The following ANKRD55 variants were observed in gnomAD, a reference collection of about 807,000 sequenced individuals.
The protein encoded by ANKRD55 is ankyrin repeat domain-containing protein 55.
A neutral mutation model predicts 60.6 loss-of-function variants in ANKRD55; 41 were observed. The observed-to-expected ratio is 0.68, with a 90% CI of 0.53 to 0.88. The LOEUF is 0.88. ANKRD55 is among the 40% of genes least tolerant of loss of function. The pLI, the probability that ANKRD55 is intolerant of heterozygous loss-of-function variation, is 0.00. For missense variants in ANKRD55, 732 were observed against 767.6 expected (o/e 0.95, Z 0.55); for synonymous variants, 264 against 290.3 (o/e 0.91, Z 0.92).
chr5:56,173,759 G>A (rs1758675712), intron 4 of ANKRD55, among the ~76,000 whole-genome samples: 1 of 150,680 alleles, frequency 6.6e-6, no homozygotes, highest in Non-Finnish European at 1.5e-5. Context: ...GGTCAGGCTG[G>A]TCTCAAACTC....
chr5:56,143,541 G>A (rs142249728), intron 7 of ANKRD55, among the ~76,000 whole-genome samples: 44 of 152,314 alleles, frequency 2.9e-4, no homozygotes, highest in African/African-American at 1.0e-3. Flanking sequence ...ACAGTAAGCC[G>A]GTAGCAAACA....
chr5:56,150,051 G>A (rs1758002546), intron 6 of ANKRD55, among the ~76,000 whole-genome samples: 1 of 152,092 alleles, frequency 6.6e-6, no homozygotes, highest in Non-Finnish European at 1.5e-5. Flanking sequence ...ATATTGGCCA[G>A]GCTGGTCTTG....
In ANKRD55 at chr5:56,111,794, T is replaced by A. The variant is rs373575646; in HGVS notation, c.966-12A>T. On this transcript the variant is annotated splice_polypyrimidine_tract_variant and intron_variant, in intron 9 of 11. Coordinates refer to ENST00000341048, the MANE Select transcript of ANKRD55 (RefSeq NM_024669.3). ...GAGTAGGCTCTGTTCTATGCGAATA[T>A]AAAAGAGCAGGGATGATATGTGAGT... The A allele has an allele frequency of 6.7e-7, 1 of 1,484,052 alleles. No homozygotes were observed. Among genetic ancestry groups the A allele is most frequent in the Non-Finnish European group, 8.9e-7 (1 of 1,121,222 alleles). The allele number at this position is 1,484,052 out of a possible 1,614,324, so 91.9% of individuals were successfully genotyped here. A position where few individuals can be genotyped will look rare whatever the true frequency, so the allele number is the denominator to read the frequency against.
At chr5:56,107,872 CT>C (rs56958360) in intron 10 of ANKRD55, among the ~76,000 whole-genome samples, 32,434 of 145,328 alleles carry the variant, frequency 0.22, 3,751 homozygotes, top group Middle Eastern at 0.37. Flanking sequence ...TAGCAATAAA[CT>C]TTTTTTTTTT....
chr5:56,152,637 C>A (rs370853189), intron 6 of ANKRD55, among the ~76,000 whole-genome samples: 10 of 152,140 alleles, frequency 6.6e-5, no homozygotes, highest in African/African-American at 2.4e-4. Context: ...CTTCTGAGGT[C>A]CTGTTTTGAA....
In ANKRD55 at chr5:56,197,757, G is replaced by C. The variant is rs546624463; in HGVS notation, c.59-14123C>G. ...AAATTTCAGAGGAGTTTTTCTTACT[G>C]TAATGAGATACGAAAATAAACCACT... On this transcript the variant is annotated intron_variant, in intron 2 of 11. Coordinates refer to ENST00000341048, the MANE Select transcript of ANKRD55 (RefSeq NM_024669.3). Among the ~76,000 whole-genome samples the C allele has an allele frequency of 7.3e-4, 111 of 152,212 alleles. 1 individual carries two copies. The highest frequency in any genetic ancestry group is 1.4e-3 in the Non-Finnish European group (94 of 67,976).
chr5:56,166,098 C>CTTTCTTTCTTTCTTTCTTTCTT, intron 5 of ANKRD55, among the ~76,000 whole-genome samples: 1 of 28,398 alleles, frequency 3.5e-5, no homozygotes, highest in African/African-American at 9.8e-5. Flanking sequence ...TTCTTTCTTT[C>CTTTCTTTCTTTCTTTCTTTCTT]TTTCTTTCTT....
At position 56,134,344 on chromosome 5, in the gene ANKRD55, G is replaced by A. The variant is rs559865269; in HGVS notation, c.613-7238C>T. ...TGTTATCCCAGCACTTTGGGAGGCC[G>A]AGACAGGTGGATCACCTGAGGTCAG... On this transcript the variant is annotated intron_variant, in intron 7 of 11. Coordinates refer to ENST00000341048, the MANE Select transcript of ANKRD55 (RefSeq NM_024669.3). 1.8e-3 allele frequency among the ~76,000 whole-genome samples: 210 copies of A among 114,798 alleles called. 75 individuals are homozygous for A. The highest frequency in any genetic ancestry group is 3.9e-3 in the Non-Finnish European group (187 of 48,468). The allele number at this position is 114,798 out of a possible 152,430, so 75.3% of individuals were successfully genotyped here. A position where few individuals can be genotyped will look rare whatever the true frequency, so the allele number is the denominator to read the frequency against.
intron 7 of ANKRD55, among the ~76,000 whole-genome samples, chr5:56,136,661 C>T (rs1757606926): frequency 6.6e-6 from 1 of 152,164 alleles, no homozygotes; most frequent in Admixed American, 6.5e-5. Flanking sequence ...CGGCTCGTAC[C>T]TGTAATCCCA....
intron 8 of ANKRD55, among the ~76,000 whole-genome samples, chr5:56,123,925 A>C (rs1757155438): frequency 6.6e-6 from 1 of 152,172 alleles, no homozygotes; most frequent in South Asian, 2.1e-4. Context: ...CTGTCACAGC[A>C]GGGGGCTAAA....
chr5:56,160,469 GACCTC>G (rs1561275354), intron 5 of ANKRD55, among the ~76,000 whole-genome samples: 2 of 152,156 alleles, frequency 1.3e-5, no homozygotes, highest in African/African-American at 4.8e-5. Context: ...TGGATCTCCT[GACCTC>G]GTGGTCCGCC....
chr5:56,161,448 T>C (rs1479261539), intron 5 of ANKRD55, among the ~76,000 whole-genome samples: 1 of 152,232 alleles, frequency 6.6e-6, no homozygotes. Context: ...GTCTCTCAGA[T>C]TGGAAGACAT....
intron 7 of ANKRD55, among the ~76,000 whole-genome samples, chr5:56,132,608 A>AT (rs1757453849): frequency 6.6e-6 from 1 of 150,498 alleles, no homozygotes; most frequent in Admixed American, 6.6e-5. Flanking sequence ...AAAAAAAAAA[A>AT]GAATAAGGGC....
intron 7 of ANKRD55, chr5:56,127,634 G>C: frequency 3.3e-6 from 3 of 905,564 alleles, no homozygotes; most frequent in Non-Finnish European, 2.6e-6. Flanking sequence ...GTCCCAGGGA[G>C]CCTGGGAAGC....
At chr5:56,190,909 A>G (rs1191484558) in intron 2 of ANKRD55, among the ~76,000 whole-genome samples, 2 of 152,266 alleles carry the variant, frequency 1.3e-5, no homozygotes. Context: ...TAATACTGGT[A>G]CAATGACAGT....
chr5:56,145,507 G>A (rs1324503673), intron 6 of ANKRD55, among the ~76,000 whole-genome samples: 1 of 152,224 alleles, frequency 6.6e-6, no homozygotes, highest in East Asian at 1.9e-4. Flanking sequence ...GGACCACCCT[G>A]CCAAACAGCA....
intron 6 of ANKRD55, among the ~76,000 whole-genome samples, chr5:56,153,664 C>T (rs1223084763): frequency 2.0e-5 from 3 of 151,350 alleles, no homozygotes; most frequent in Non-Finnish European, 4.4e-5. Context: ...ATGGTGAAAC[C>T]CTGTCTCTAC....
At chr5:56,175,301 T>C (rs537236594) in intron 4 of ANKRD55, among the ~76,000 whole-genome samples, 44 of 152,294 alleles carry the variant, frequency 2.9e-4, no homozygotes, top group African/African-American at 8.9e-4. Context: ...CCACCATCAG[T>C]GGGCAGCAAT....
intron 7 of ANKRD55, among the ~76,000 whole-genome samples, chr5:56,131,876 G>A (rs572900255): frequency 2.7e-5 from 4 of 148,086 alleles, no homozygotes; most frequent in South Asian, 2.2e-4. Context: ...TCTGATTTAC[G>A]TAAAGAAAAG....
Sources: allele counts gnomAD v4.1 joint callset (sites outside exome capture counted in the v4.1 genomes callset), GRCh38; gene constraint gnomAD v4.1.1; transcripts MANE v1.5; gene names NCBI Gene and HGNC (gene_info 2026-07-23, HGNC 2026-07-21).